CLNS1A: variants seen among roughly 807,000 people sequenced by gnomAD.
The protein encoded by CLNS1A is methylosome subunit pICln.
A neutral mutation model predicts 29.4 loss-of-function variants in CLNS1A; 16 were observed. The observed-to-expected ratio is 0.54, with a 90% CI of 0.37 to 0.83. The LOEUF (loss-of-function observed/expected upper bound fraction) is 0.83. Ranked by LOEUF, CLNS1A falls within the 40% of genes least tolerant of loss-of-function variation. CLNS1A has a pLI of 0.00. For synonymous variants in CLNS1A, 96 were observed against 104.8 expected, an observed-to-expected ratio of 0.92 and a Z score of 0.51; for missense variants, 235 against 287.4, an observed-to-expected ratio of 0.82 and a Z score of 1.32.
chr11:77,625,647 A>ATGTG (rs955617743), intron 3 of CLNS1A, 70 bp downstream of exon 3: 2 of 1,155,848 alleles, frequency 1.7e-6, no homozygotes, highest in Non-Finnish European at 1.2e-6. Context: ...GTGTGTGTGT[A>ATGTG]TGTGTGTGTG....
At chr11:77,633,104 A>G (rs961701735) in intron 1 of CLNS1A, among the ~76,000 whole-genome samples, 6 of 151,862 alleles carry the variant, frequency 4.0e-5, no homozygotes, top group East Asian at 3.9e-4. Context: ...AAAAAAAAAA[A>G]AGAGATTTGA....
intron 2 of CLNS1A, among the ~76,000 whole-genome samples, chr11:77,626,258 TG>T (rs928685573): frequency 6.6e-6 from 1 of 152,166 alleles, no homozygotes; most frequent in African/African-American, 2.4e-5. Flanking sequence ...TGCTAATTTT[TG>T]TTTTTTTGAG....
Position 77,625,846 on chromosome 11 carries a change from CATT to C in CLNS1A, c.263-31_263-29del, listed in dbSNP as rs530925576. Reference sequence around the variant, plus strand: ...AGAAAATAAAATACCCTTTTAATGTCATTATTTGACTTTAAAAAAATGAAGCAT... The same window carrying C: ...AGAAAATAAAATACCCTTTTAATGTCATTTGACTTTAAAAAAATGAAGCAT... On this transcript the variant is annotated intron_variant, in intron 2 of 6. Coordinates refer to ENST00000525428, the MANE Select transcript of CLNS1A (RefSeq NM_001293.3). 249 of 1,472,032 alleles carry C rather than the reference CATT, an allele frequency of 1.7e-4. No individual in the cohort carries two copies. In the African/African-American group the frequency reaches 3.2e-3, roughly 19 times the overall value. 91.2% of individuals were successfully genotyped at this position (1,472,032 alleles called of 1,614,324 possible).
chr11:77,636,082 T>G (rs889119491), intron 1 of CLNS1A, among the ~76,000 whole-genome samples: 20 of 152,266 alleles, frequency 1.3e-4, no homozygotes, highest in African/African-American at 4.6e-4. Context: ...ATTTTTATTT[T>G]TTTTTTGAGA....
intron 1 of CLNS1A, among the ~76,000 whole-genome samples, chr11:77,633,084 C>CAAAA (rs887085397): frequency 7.2e-5 from 4 of 55,564 alleles, no homozygotes; most frequent in Admixed American, 1.9e-4. Flanking sequence ...GACTCCATCT[C>CAAAA]AAAAAAAAAA....
chr11:77,630,399 A>G (rs533913314), intron 1 of CLNS1A, among the ~76,000 whole-genome samples: 1 of 152,286 alleles, frequency 6.6e-6, no homozygotes, highest in South Asian at 2.1e-4. Context: ...CATCCTTCAA[A>G]ACCGTTAACA....
chr11:77,618,158 G>C (rs1462053889), intron 6 of CLNS1A, among the ~76,000 whole-genome samples: 1 of 152,144 alleles, frequency 6.6e-6, no homozygotes, highest in Non-Finnish European at 1.5e-5. Context: ...AGTGGCTGAT[G>C]TTCTCTGTAT....
chr11:77,621,375 C>T (rs1478428212), intron 5 of CLNS1A, among the ~76,000 whole-genome samples: 1 of 152,002 alleles, frequency 6.6e-6, no homozygotes, highest in Non-Finnish European at 1.5e-5. Flanking sequence ...AAAGGATATG[C>T]AACAGAAAAT....
At position 77,637,692 on chromosome 11, in the gene CLNS1A, G is replaced by T; in HGVS notation, c.23C>A (p.Pro8Gln). 6.4e-7 allele frequency: 1 copy of T among 1,560,420 alleles called. No homozygotes were observed. Among genetic ancestry groups the T allele is most frequent in the Non-Finnish European group, 8.7e-7 (1 of 1,152,316 alleles). ...GAGCCCCTCCGCTGGCCCAGGCGGC[G>T]GGAAACTTTTGAGGAAGCTCATAGC... Reference protein sequence around the residue: MSFLKSFPPPGPAEGLLR... With the variant: MSFLKSFQPPGPAEGLLR... Residue 8 changes from proline to glutamine, a missense_variant, in exon 1 of 7, where the codon CCG becomes CAG. Pro to Gln is a moderately conservative substitution (Grantham distance 76). Transcript: ENST00000525428.
At chr11:77,620,736 A>G (rs1159564449) in intron 5 of CLNS1A, among the ~76,000 whole-genome samples, 1 of 151,430 alleles carries the variant, frequency 6.6e-6, no homozygotes, top group Non-Finnish European at 1.5e-5. Context: ...TTGAACCAGG[A>G]AGGTGGAGGC....
chr11:77,625,707 G>C lies in CLNS1A; in HGVS notation c.364+10C>G. 5 of 1,606,080 alleles carry C rather than the reference G, an allele frequency of 3.1e-6. No homozygotes were observed. Among genetic ancestry groups the C allele is most frequent in the Non-Finnish European group, 4.3e-6 (5 of 1,176,412 alleles). On this transcript the variant is annotated intron_variant, in intron 3 of 6. Transcript: ENST00000525428. ...TAAAAGGGGAAGAATCAATACTGTA[G>C]AACACTCACACGCTGATTTATCACT... is the stretch of plus-strand genomic sequence containing the variant.
At chr11:77,633,473 C>A in intron 1 of CLNS1A, among the ~76,000 whole-genome samples, 1 of 152,080 alleles carries the variant, frequency 6.6e-6, no homozygotes, top group East Asian at 1.9e-4. Flanking sequence ...ATACCCAGTT[C>A]CAAAGAAACC....
At chr11:77,632,780 GTTAAAAAAGAT>G (rs879282192) in intron 1 of CLNS1A, among the ~76,000 whole-genome samples, 9 of 152,014 alleles carry the variant, frequency 5.9e-5, no homozygotes, top group Non-Finnish European at 1.0e-4. Context: ...ATGTTACTAT[GTTAAAAAAGAT>G]TTGACATTAT....
intron 1 of CLNS1A, among the ~76,000 whole-genome samples, chr11:77,637,152 C>T (rs2135782431): frequency 1.4e-5 from 2 of 145,698 alleles, no homozygotes; most frequent in Middle Eastern, 6.9e-3. Context: ...TGCATCTGTT[C>T]ATCCGGAAAG....
intron 1 of CLNS1A, among the ~76,000 whole-genome samples, chr11:77,631,992 C>T (rs1280032940): frequency 6.6e-6 from 1 of 152,248 alleles, no homozygotes. Context: ...CCACCTCGGC[C>T]TCCCAAAGTG....
At chr11:77,620,688 A>C (rs556911452) in intron 5 of CLNS1A, among the ~76,000 whole-genome samples, 2 of 152,194 alleles carry the variant, frequency 1.3e-5, no homozygotes, top group African/African-American at 4.8e-5. Flanking sequence ...AGGCGCTTAT[A>C]ATCCCAGCTA....
In CLNS1A at chr11:77,637,671, C is replaced by T. The variant is rs1273816599; in HGVS notation, c.44G>A (p.Gly15Glu). ...AGTGTCTGGCTGCTGCCGCAGGAGC[C>T]CCTCCGCTGGCCCAGGCGGCGGGAA... ...KSFPPPGPAEGLLRQQPDTEA... is the reference protein window; with the variant it reads ...KSFPPPGPAEELLRQQPDTEA... Residue 15 changes from glycine to glutamate, a missense_variant, in exon 1 of 7, where the codon GGG becomes GAG. By Grantham distance (98) the Gly-to-Glu change is moderately conservative. Transcript: ENST00000525428. The T allele has an allele frequency of 1.3e-6, 2 of 1,569,306 alleles. No individual in the cohort carries two copies. The highest frequency in any genetic ancestry group is 2.3e-5 in the South Asian group (2 of 85,378).
At chr11:77,630,334 G>T (rs893918446) in intron 1 of CLNS1A, among the ~76,000 whole-genome samples, 2 of 152,102 alleles carry the variant, frequency 1.3e-5, no homozygotes, top group Non-Finnish European at 2.9e-5. Context: ...TCTTATATGT[G>T]CCCTTATGGA....
At chr11:77,626,632 C>T (rs567669773) in intron 2 of CLNS1A, among the ~76,000 whole-genome samples, 494 of 150,704 alleles carry the variant, frequency 3.3e-3, no homozygotes, top group African/African-American at 0.011. Context: ...GGGTGAGACT[C>T]CATCACAAAA....
Sources: gnomAD v4.1 joint callset for allele counts (sites outside exome capture counted in the v4.1 genomes callset) on GRCh38, gnomAD v4.1.1 for gene constraint, MANE v1.5 for transcripts, NCBI Gene and HGNC (gene_info 2026-07-23, HGNC 2026-07-21) for gene names.